The following ATXN1 variants were observed in gnomAD, a reference collection of about 807,000 sequenced individuals.
ATXN1 encodes ataxin-1.
ATXN1 carries 8 observed loss-of-function variants against 56.4 expected under a neutral mutation model. That is an observed-to-expected ratio of 0.14 (90% CI 0.08 to 0.26). The LOEUF is 0.26. Among genes scored for constraint, ATXN1 ranks in the 10% least tolerant of loss-of-function variants. ATXN1 has a pLI of 1.00. For synonymous variants in ATXN1, 514 were observed against 494.6 expected, an observed-to-expected ratio of 1.04 and a Z score of -0.52; for missense variants, 987 against 1,106.5, an observed-to-expected ratio of 0.89 and a Z score of 1.53.
intron 5 of ATXN1, among the ~76,000 whole-genome samples, chr6:16,503,055 C>G (rs2113675603): frequency 6.6e-6 from 1 of 152,320 alleles, no homozygotes; most frequent in Admixed American, 6.5e-5. Context: ...TTGCCAACAG[C>G]AATGATTTTC....
intron 2 of ATXN1, among the ~76,000 whole-genome samples, chr6:16,664,773 T>C (rs1758391908): frequency 1.3e-5 from 2 of 151,976 alleles, no homozygotes; most frequent in South Asian, 2.1e-4. Context: ...AGTATAAAGT[T>C]TCCTCTATAC....
chr6:16,535,809 GTCA>G (rs1365870100), intron 4 of ATXN1, among the ~76,000 whole-genome samples: 1 of 152,164 alleles, frequency 6.6e-6, no homozygotes, highest in Non-Finnish European at 1.5e-5. Flanking sequence ...CTCGGCTGAG[GTCA>G]TCAAGATCAA....
rs148645832 is a variant in ATXN1 at position 16,734,094 on chromosome 6, TA to T, written c.-615+19138del. 7.4e-4 allele frequency among the ~76,000 whole-genome samples: 110 copies of T among 149,060 alleles called. 1 individual carries two copies. The highest frequency in any genetic ancestry group is 2.3e-3 in the African/African-American group (93 of 40,706). On this transcript the variant is annotated intron_variant, in intron 2 of 7. Coordinates refer to ENST00000436367, the MANE Select transcript of ATXN1 (RefSeq NM_001128164.2). ...GCAACCGACAGAGTGAGACCCCATA[TA>T]AAAAAAAAATGTCTATAGACTATAG...
At chr6:16,617,924 C>T (rs557669520) in intron 3 of ATXN1, among the ~76,000 whole-genome samples, 1 of 151,726 alleles carries the variant, frequency 6.6e-6, no homozygotes, top group South Asian at 2.1e-4. Flanking sequence ...TCATTGAATC[C>T]TCATGTCTAA....
chr6:16,572,299 A>G (rs377503385), intron 4 of ATXN1, among the ~76,000 whole-genome samples: 5 of 152,336 alleles, frequency 3.3e-5, no homozygotes, highest in East Asian at 3.9e-4. Flanking sequence ...AGGTATAAGG[A>G]CTCAACTGTT....
chr6:16,661,861 G>A (rs748060270), intron 2 of ATXN1, among the ~76,000 whole-genome samples: 7 of 152,200 alleles, frequency 4.6e-5, no homozygotes, highest in African/African-American at 7.2e-5. Context: ...CAGATGAAAC[G>A]TCAGCCCAGG....
chr6:16,759,721 T>C (rs1761009231), intron 1 of ATXN1, among the ~76,000 whole-genome samples: 1 of 151,940 alleles, frequency 6.6e-6, no homozygotes, highest in Admixed American at 6.6e-5. Context: ...TTGTTTTGTT[T>C]TCTGGCAGAG....
At chr6:16,504,449 G>C (rs1434009802) in intron 5 of ATXN1, among the ~76,000 whole-genome samples, 10 of 152,088 alleles carry the variant, frequency 6.6e-5, no homozygotes, top group Admixed American at 6.5e-4. Context: ...AAGAGTGGTA[G>C]CACCCCCACC....
intron 4 of ATXN1, among the ~76,000 whole-genome samples, chr6:16,576,839 A>T (rs1172565633): frequency 6.6e-6 from 1 of 152,194 alleles, no homozygotes; most frequent in Non-Finnish European, 1.5e-5. Context: ...CACCCCGAGC[A>T]TGCATGGAGT....
intron 2 of ATXN1, among the ~76,000 whole-genome samples, chr6:16,751,588 T>TA (rs60506317): frequency 3.1e-4 from 46 of 147,764 alleles, no homozygotes; most frequent in East Asian, 3.9e-4. Context: ...TACAACAATC[T>TA]AAAAAAAAAA....
chr6:16,686,879 A>G (rs1758929824), intron 2 of ATXN1, among the ~76,000 whole-genome samples: 1 of 152,220 alleles, frequency 6.6e-6, no homozygotes, highest in African/African-American at 2.4e-5. Flanking sequence ...GAGCATATTT[A>G]CAAAATTATT....
At chr6:16,445,051 A>C (rs1170937391) in intron 6 of ATXN1, among the ~76,000 whole-genome samples, 1 of 152,128 alleles carries the variant, frequency 6.6e-6, no homozygotes, top group Non-Finnish European at 1.5e-5. Context: ...TAAAAAAAAG[A>C]CATAGGTGAT....
intron 2 of ATXN1, among the ~76,000 whole-genome samples, chr6:16,679,276 G>GGA (rs1758754731): frequency 7.2e-6 from 1 of 138,178 alleles, no homozygotes; most frequent in African/African-American, 2.8e-5. Context: ...GAGTTAGTGG[G>GGA]TGGATGGATG....
intron 6 of ATXN1, among the ~76,000 whole-genome samples, chr6:16,448,771 C>G (rs185203633): frequency 2.0e-4 from 31 of 152,326 alleles, no homozygotes; most frequent in Non-Finnish European, 4.0e-4. Flanking sequence ...AAGAGGAAAG[C>G]CTACATCAGA....
intron 1 of ATXN1, among the ~76,000 whole-genome samples, chr6:16,759,529 T>C (rs1003887766): frequency 3.6e-4 from 44 of 121,570 alleles, no homozygotes; most frequent in South Asian, 1.7e-3. Context: ...TTCTTCCGAC[T>C]GTTTTTTTTT....
chr6:16,382,264 C>A (rs1758142344), intron 6 of ATXN1, among the ~76,000 whole-genome samples: 1 of 150,992 alleles, frequency 6.6e-6, no homozygotes, highest in African/African-American at 2.4e-5. Context: ...CACACTACTG[C>A]ACTCCAGCCT....
chr6:16,494,573 TAC>T (rs1384265096), intron 5 of ATXN1, among the ~76,000 whole-genome samples: 1 of 152,232 alleles, frequency 6.6e-6, no homozygotes, highest in Non-Finnish European at 1.5e-5. Flanking sequence ...GATTTATTCA[TAC>T]AGAGACTGCT....
intron 6 of ATXN1, among the ~76,000 whole-genome samples, chr6:16,425,939 G>C (rs1759144301): frequency 6.6e-6 from 1 of 152,146 alleles, no homozygotes; most frequent in Non-Finnish European, 1.5e-5. Flanking sequence ...TTCAAAGCTA[G>C]CCTCAAGATG....
At chr6:16,528,022 T>C (rs939884899) in intron 4 of ATXN1, among the ~76,000 whole-genome samples, 3 of 152,112 alleles carry the variant, frequency 2.0e-5, no homozygotes, top group Non-Finnish European at 4.4e-5. Context: ...CTAAATCTGC[T>C]GGGTGCTGTG....
Sources: gnomAD v4.1 joint callset for allele counts (sites outside exome capture counted in the v4.1 genomes callset) on GRCh38, gnomAD v4.1.1 for gene constraint, MANE v1.5 for transcripts, NCBI Gene and HGNC (gene_info 2026-07-23, HGNC 2026-07-21) for gene names.